ITGA11: variants seen among roughly 807,000 people sequenced by gnomAD.
ITGA11 encodes integrin alpha-11.
Under a neutral mutation model 141.9 loss-of-function variants are expected in ITGA11, and 97 were observed. The observed-to-expected ratio is 0.68, with a 90% CI of 0.58 to 0.81. The LOEUF (loss-of-function observed/expected upper bound fraction) is 0.81, where lower values mean the gene tolerates loss of function less well. ITGA11 is among the 30% of genes least tolerant of loss of function. ITGA11 has a pLI of 0.00. For synonymous variants in ITGA11, 658 were observed against 624.6 expected (o/e 1.05, Z -0.80); for missense variants, 1,387 against 1,559.2 (o/e 0.89, Z 1.86).
chr15:68,343,176 C>T (rs573214385), intron 10 of ITGA11, among the ~76,000 whole-genome samples: 1 of 152,184 alleles, frequency 6.6e-6, no homozygotes, highest in Non-Finnish European at 1.5e-5. Flanking sequence ...CTGTAAGCAT[C>T]TCCCCAGTGG....
rs368518553 is a variant in ITGA11 at position 68,369,271 on chromosome 15, C to T, written c.178G>A (p.Ala60Thr). 8.4e-5 allele frequency: 135 copies of T among 1,613,512 alleles called. No individual in the cohort carries two copies. The highest frequency in any genetic ancestry group is 3.3e-4 in the Middle Eastern group (2 of 6,084). Reference sequence around the variant, plus strand: ...TGGTAGCCATTGGTTTCCAGTGGGGCGCCCACGACCAGCCTGGGAAGGAAG... The same window carrying T: ...TGGTAGCCATTGGTTTCCAGTGGGGTGCCCACGACCAGCCTGGGAAGGAAG... Reference protein sequence around the residue: ...ISGNKWLVVGAPLETNGYQKT... With the variant: ...ISGNKWLVVGTPLETNGYQKT... The change falls in exon 3 of 30, where the codon GCC (alanine) becomes ACC (threonine). Residue 60 changes from alanine to threonine, a missense_variant. By Grantham distance (58) the Ala-to-Thr change is moderately conservative. Transcript: ENST00000315757.
chr15:68,384,312 G>GA (rs949914532), intron 2 of ITGA11, among the ~76,000 whole-genome samples: 90 of 151,272 alleles, frequency 5.9e-4, no homozygotes, highest in Non-Finnish European at 1.0e-3. Context: ...GAGAGAAGAG[G>GA]AAAAAAAATC....
chr15:68,421,838 G>GA (rs771081604), intron 1 of ITGA11, among the ~76,000 whole-genome samples: 3 of 152,182 alleles, frequency 2.0e-5, no homozygotes, highest in Non-Finnish European at 4.4e-5. Flanking sequence ...TTTTTTAGAA[G>GA]AGAGTTAAGA....
At chr15:68,337,878 T>C (rs1266389456) in intron 11 of ITGA11, among the ~76,000 whole-genome samples, 1 of 152,234 alleles carries the variant, frequency 6.6e-6, no homozygotes, top group Non-Finnish European at 1.5e-5. Context: ...TAACCTGGTA[T>C]TTCCCACATG....
intron 26 of ITGA11, among the ~76,000 whole-genome samples, chr15:68,310,686 G>C (rs1893349986): frequency 6.6e-6 from 1 of 152,140 alleles, no homozygotes; most frequent in Non-Finnish European, 1.5e-5. Context: ...TGGCCCGCTT[G>C]GCCCAGGTGC....
At position 68,317,358 on chromosome 15, in the gene ITGA11, G is replaced by C; in HGVS notation, c.2622C>G (p.Asp874Glu). 1 of 1,612,100 alleles carries C rather than the reference G, an allele frequency of 6.2e-7. No homozygotes were observed. The highest frequency in any genetic ancestry group is 8.5e-7 in the Non-Finnish European group (1 of 1,178,192). ...TCACACACTCAATGCTACCGTCTGA[G>C]TCCTCCTGGAGGTGGGTGGCAGACA... ...LQFASLIQKE[D>E]SDGSIECVNE... The change falls in exon 21 of 30, where the codon GAC (aspartate) becomes GAG (glutamate). Residue 874 changes from aspartate (D) to glutamate (E), a missense_variant. Transcript: ENST00000315757.
At chr15:68,312,249 A>C (rs1567123323) in intron 24 of ITGA11, among the ~76,000 whole-genome samples, 1 of 152,148 alleles carries the variant, frequency 6.6e-6, no homozygotes, top group African/African-American at 2.4e-5. Flanking sequence ...GGATAAAGAG[A>C]GGTCACTGGA....
intron 15 of ITGA11, among the ~76,000 whole-genome samples, chr15:68,330,317 A>G (rs1183162161): frequency 6.6e-6 from 1 of 152,250 alleles, no homozygotes; most frequent in Non-Finnish European, 1.5e-5. Context: ...ATAAAATTAC[A>G]GGCAAGGGAA....
chr15:68,330,991 C>T lies in ITGA11; in HGVS notation c.1891G>A (p.Val631Met), dbSNP rs1461256946. 8.1e-6 allele frequency: 13 copies of T among 1,613,844 alleles called. No individual in the cohort carries two copies. Among genetic ancestry groups the T allele is most frequent in the Admixed American group, 3.3e-5 (2 of 60,004 alleles). Residue 631 changes from valine (V) to methionine (M), a missense_variant, in exon 15 of 30, where the codon GTG becomes ATG. Val to Met is a conservative substitution (Grantham distance 21). Transcript: ENST00000315757. ...DLAVGALGNA[V>M]ILWSRPVVQI... is the part of the protein sequence containing the mutation. ...AGCGGGGGAACCAACCACAGAATCACAGCGTTGCCAAGGGCTCCCACTGCC... is the reference window on the plus strand; with the variant it reads ...AGCGGGGGAACCAACCACAGAATCATAGCGTTGCCAAGGGCTCCCACTGCC...
At chr15:68,351,157 A>T in intron 8 of ITGA11, 101 bp downstream of exon 8, 1 of 1,300,080 alleles carries the variant, frequency 7.7e-7, no homozygotes, top group Non-Finnish European at 1.1e-6. Context: ...GGGCCTGGAC[A>T]CTTGTGATAC....
At chr15:68,315,547 C>G (rs990722517) in intron 22 of ITGA11, 104 bp downstream of exon 22, 3 of 960,256 alleles carry the variant, frequency 3.1e-6, no homozygotes, top group Non-Finnish European at 4.9e-6. Context: ...GGGGACAGGG[C>G]GTGGGGCAGC....
intron 23 of ITGA11, among the ~76,000 whole-genome samples, chr15:68,313,465 G>T (rs575629912): frequency 6.6e-6 from 1 of 152,190 alleles, no homozygotes; most frequent in South Asian, 2.1e-4. Context: ...ATTCTCTACA[G>T]ACCATGCATC....
At chr15:68,402,844 G>GGGCA in intron 2 of ITGA11, 74 bp downstream of exon 2, 1 of 1,019,224 alleles carries the variant, frequency 9.8e-7, no homozygotes, top group Non-Finnish European at 1.5e-6. Flanking sequence ...GCAGCCACAG[G>GGGCA]GCACAGGGGC....
Position 68,302,690 on chromosome 15 carries a change from C to T in ITGA11, c.*369G>A, listed in dbSNP as rs1893070139. The stretch of plus-strand genomic sequence containing the variant: ...AGATTGGGTTCGTATTTACAGTCTT[C>T]CTCCCTGGGTTTCTCTGGAGGATGG... On this transcript the variant is annotated 3_prime_UTR_variant, in exon 30 of 30. Transcript: ENST00000315757. The T allele has an allele frequency of 4.6e-6, 1 of 218,552 alleles. No homozygotes were observed. The highest frequency in any genetic ancestry group is 8.9e-6 in the Non-Finnish European group (1 of 112,566). The allele number at this position is 218,552 out of a possible 1,614,324, so 13.5% of individuals were successfully genotyped here.
intron 2 of ITGA11, among the ~76,000 whole-genome samples, chr15:68,398,881 A>C (rs1896394598): frequency 6.6e-6 from 1 of 150,464 alleles, no homozygotes; most frequent in Non-Finnish European, 1.5e-5. Flanking sequence ...CTTACACTGA[A>C]TATTTCAAAG....
Position 68,335,984 on chromosome 15 carries a change from G to A in ITGA11, c.1277-139C>T, listed in dbSNP as rs1231298002. 14 of 998,234 alleles carry A rather than the reference G, an allele frequency of 1.4e-5. No individual in the cohort carries two copies. The highest frequency in any genetic ancestry group is 4.8e-5 in the African/African-American group (3 of 62,582). 61.8% of individuals were successfully genotyped at this position (998,234 alleles called of 1,614,324 possible). A position where few individuals can be genotyped will look rare whatever the true frequency, so the allele number is the denominator to read the frequency against. On this transcript the variant is annotated intron_variant, in intron 11 of 29. Transcript: ENST00000315757. The surrounding 1 kb of genome is among the most constrained non-coding windows in gnomAD (Gnocchi z 4.9). ...GGGCTAGCTGAGCAGATTCAATCAC[G>A]CAGGGCCATAATTCCTAGGGGCAGC...
At position 68,335,639 on chromosome 15, in the gene ITGA11, A is replaced by G. The variant is rs924851147; in HGVS notation, c.1425+58T>C. On this transcript the variant is annotated intron_variant, in intron 12 of 29. Transcript: ENST00000315757. This position sits in a 1 kb window ranked among gnomAD's most constrained non-coding sequence, Gnocchi z 4.9. The stretch of plus-strand genomic sequence containing the variant: ...GCATGCCTGTATTTACTGCCCTCCC[A>G]TTTGTCTGATCTGCCCCCTCTTCCC... 9.5e-6 allele frequency: 15 copies of G among 1,584,738 alleles called. No individual in the cohort carries two copies. The highest frequency in any genetic ancestry group is 1.1e-5 in the South Asian group (1 of 87,790).
Position 68,331,857 on chromosome 15 carries a change from A to T in ITGA11, c.1770+2T>A. 6.2e-7 allele frequency: 1 copy of T among 1,609,928 alleles called. No homozygotes were observed. The highest frequency in any genetic ancestry group is 1.1e-5 in the South Asian group (1 of 90,014). Reference sequence around the variant, plus strand: ...CCATCCGCTTCCCCAGGGAAGCCTGACCTGCTTAGGTGTCTTCAGGATGCT... The same window carrying T: ...CCATCCGCTTCCCCAGGGAAGCCTGTCCTGCTTAGGTGTCTTCAGGATGCT... On this transcript the variant is annotated splice_donor_variant, in intron 14 of 29. Coordinates refer to ENST00000315757, the MANE Select transcript of ITGA11 (RefSeq NM_001004439.2). LOFTEE classifies it high-confidence loss of function.
chr15:68,376,263 G>A (rs1026387763), intron 2 of ITGA11, among the ~76,000 whole-genome samples: 3 of 150,338 alleles, frequency 2.0e-5, no homozygotes, highest in African/African-American at 7.4e-5. Flanking sequence ...TAAACTGTGT[G>A]CACAGCCGGG....
Sources: gnomAD v4.1 joint callset for allele counts (sites outside exome capture counted in the v4.1 genomes callset) on GRCh38, gnomAD v4.1.1 for gene constraint, Gnocchi (gnomAD v3.1) non-coding constraint, MANE v1.5 for transcripts, NCBI Gene and HGNC (gene_info 2026-07-23, HGNC 2026-07-21) for gene names.